The following FBXW10 variants were observed in gnomAD, a reference collection of about 807,000 sequenced individuals.
FBXW10 encodes F-box and WD repeat domain containing 10.
A neutral mutation model predicts 113.1 loss-of-function variants in FBXW10; 68 were observed. That is an observed-to-expected ratio of 0.60 (90% CI 0.49 to 0.74). FBXW10 has a LOEUF of 0.74. Among genes scored for constraint, FBXW10 ranks in the 30% least tolerant of loss-of-function variants. The pLI, the probability that FBXW10 is intolerant of heterozygous loss-of-function variation, is 0.00. For synonymous variants in FBXW10, 289 were observed against 481.6 expected, an observed-to-expected ratio of 0.60 and a Z score of 5.24; for missense variants, 753 against 1,284.5, an observed-to-expected ratio of 0.59 and a Z score of 6.32.
chr17:18,775,105 G>A (rs1223070860), intron 12 of FBXW10, 31 bp from the exon 13 acceptor site: 1 of 1,519,478 alleles, frequency 6.6e-7, no homozygotes, highest in South Asian at 1.1e-5. Flanking sequence ...AGTATATAAT[G>A]ACTACAGCTT....
At chr17:18,749,124 A>T (rs1437096290) in intron 2 of FBXW10, among the ~76,000 whole-genome samples, 3 of 151,996 alleles carry the variant, frequency 2.0e-5, no homozygotes, top group Admixed American at 2.0e-4. Context: ...GTTGTTTAAA[A>T]TTTTTTCTTG....
intron 9 of FBXW10, among the ~76,000 whole-genome samples, chr17:18,767,421 A>C (rs1404923051): frequency 6.7e-6 from 1 of 148,922 alleles, no homozygotes; most frequent in Admixed American, 6.8e-5. Context: ...CAGACGTTGC[A>C]GTGAGCCGAG....
chr17:18,751,306 A>T (rs1279856236), intron 5 of FBXW10, among the ~76,000 whole-genome samples: 1 of 151,436 alleles, frequency 6.6e-6, no homozygotes, highest in Non-Finnish European at 1.5e-5. Context: ...GCTCACTGCA[A>T]GCTCCGCCTC....
intron 11 of FBXW10, among the ~76,000 whole-genome samples, chr17:18,771,105 T>TAA (rs370339129): frequency 7.9e-5 from 11 of 138,892 alleles, no homozygotes; most frequent in South Asian, 4.5e-4. Context: ...GTCATGCTGC[T>TAA]AAAAAAAAAA....
At chr17:18,773,483 GGTGTGTGTGTGTTT>G (rs1029950140) in intron 12 of FBXW10, among the ~76,000 whole-genome samples, 6 of 152,258 alleles carry the variant, frequency 3.9e-5, no homozygotes, top group African/African-American at 1.4e-4. Flanking sequence ...GTATAAAGCA[GGTGTGTGTGTGTTT>G]GTGTGTGTGT....
chr17:18,773,051 C>T (rs1273878443), intron 12 of FBXW10, among the ~76,000 whole-genome samples: 1 of 151,728 alleles, frequency 6.6e-6, no homozygotes, highest in Non-Finnish European at 1.5e-5. Flanking sequence ...GCCTCAGCCT[C>T]CTGAGTAGCT....
intron 6 of FBXW10, among the ~76,000 whole-genome samples, chr17:18,757,061 C>G (rs1255830675): frequency 6.6e-6 from 1 of 151,852 alleles, no homozygotes; most frequent in Non-Finnish European, 1.5e-5. Flanking sequence ...TATGTGTGTA[C>G]ATATACACAC....
At chr17:18,752,329 T>TAGA (rs1217808380) in intron 5 of FBXW10, among the ~76,000 whole-genome samples, 1 of 152,166 alleles carries the variant, frequency 6.6e-6, no homozygotes, top group Non-Finnish European at 1.5e-5. Flanking sequence ...TCTTGGAAGA[T>TAGA]AGAAACCTGA....
At chr17:18,760,876 C>T (rs1003927645) in intron 7 of FBXW10, among the ~76,000 whole-genome samples, 2 of 151,142 alleles carry the variant, frequency 1.3e-5, no homozygotes, top group African/African-American at 4.9e-5. Flanking sequence ...TCTTCTAGGT[C>T]ATAGAGATAT....
At position 18,778,803 on chromosome 17, in the gene FBXW10, C is replaced by T. The variant is rs1484057906; in HGVS notation, c.2664C>T (p.Ile888=). The T allele has an allele frequency of 6.2e-7, 1 of 1,613,780 alleles. No homozygotes were observed. The highest frequency in any genetic ancestry group is 1.7e-5 in the Admixed American group (1 of 59,974). ...AACGAACCAGTATTCCCCTTGAAAT[C>T]CAGAAACTGCAGCCCAACTTGAAGA... ...DVKRTSIPLE[I]QKLQPNLKIS... is the part of the protein sequence containing the mutation. Residue 888 remains isoleucine (I), a synonymous_variant, in exon 14 of 14, where the codon ATC becomes ATT. Coordinates refer to ENST00000395665, the MANE Select transcript of FBXW10 (RefSeq NM_001267585.2).
Position 18,772,605 on chromosome 17 carries a change from C to G in FBXW10, c.2200C>G (p.Gln734Glu), listed in dbSNP as rs1017593644. The change falls in exon 12 of 14, where the codon CAA becomes GAA. Residue 734 changes from glutamine to glutamate, a missense_variant. Gln to Glu is a conservative substitution (Grantham distance 29, BLOSUM62 2). Transcript: ENST00000395665. ...CCCAAGAGAGTCTGTATCCAGTAAA[C>G]AAACTGTGATCCAAGAGCTCCTACC... ...HSPRESVSSK[Q>E]TVIQELLPGK... 1 of 1,613,966 alleles carries G rather than the reference C, an allele frequency of 6.2e-7. No individual in the cohort carries two copies. The highest frequency in any genetic ancestry group is 8.5e-7 in the Non-Finnish European group (1 of 1,179,856).
intron 6 of FBXW10, among the ~76,000 whole-genome samples, chr17:18,756,533 C>CT (rs1388607337): frequency 6.6e-6 from 1 of 151,828 alleles, no homozygotes; most frequent in Non-Finnish European, 1.5e-5. Context: ...TTCCTGTAGT[C>CT]TATCACCTAG....
chr17:18,751,050 G>A lies in FBXW10; in HGVS notation c.1119G>A (p.Thr373=), dbSNP rs773105903. 13 of 1,613,760 alleles carry A rather than the reference G, an allele frequency of 8.1e-6. No individual in the cohort carries two copies. Among genetic ancestry groups the A allele is most frequent in the African/African-American group, 8.0e-5 (6 of 74,872 alleles). The change falls in exon 5 of 14, where the codon ACG becomes ACA. Residue 373 remains threonine, a synonymous_variant. Transcript: ENST00000395665. ...RVKHPKWKLR[T]KNEYNLWTAY... is the part of the protein sequence containing the mutation. ...AACATCCGAAGTGGAAGCTGAGAAC[G>A]AAGGTGGGTTCCAACAGCATCTGGG...
chr17:18,777,820 G>A (rs1193862234), intron 13 of FBXW10, among the ~76,000 whole-genome samples: 1 of 151,916 alleles, frequency 6.6e-6, no homozygotes, highest in Admixed American at 6.6e-5. Flanking sequence ...GGGGATTACA[G>A]GCGTGAGCCA....
intron 9 of FBXW10, 54 bp from the exon 10 acceptor site, chr17:18,768,480 G>C (rs1200304974): frequency 4.4e-6 from 7 of 1,600,430 alleles, no homozygotes; most frequent in Non-Finnish European, 5.1e-6. Context: ...CCTCAGCTTT[G>C]GTTCTTGGAG....
In FBXW10 at chr17:18,768,580, A is replaced by C; in HGVS notation, c.1751A>C (p.Gln584Pro). 1 of 1,614,068 alleles carries C rather than the reference A, an allele frequency of 6.2e-7. No homozygotes were observed. The highest frequency in any genetic ancestry group is 8.5e-7 in the Non-Finnish European group (1 of 1,179,990). Residue 584 changes from glutamine (Q) to proline (P), a missense_variant, in exon 10 of 14, where the codon CAG becomes CCG. Physicochemically the swap from Gln to Pro is moderately conservative, Grantham distance 76. Transcript: ENST00000395665. ...EGAVKCLFFD[Q>P]WHLLSGSTDG... ...GCCGTGAAATGCCTGTTCTTTGACC[A>C]GTGGCATCTCCTCTCAGGAAGTACT...
At chr17:18,756,293 T>A in intron 6 of FBXW10, 139 bp downstream of exon 6, 1 of 761,688 alleles carries the variant, frequency 1.3e-6, no homozygotes, top group Non-Finnish European at 2.2e-6. Flanking sequence ...TTGCACATGA[T>A]CCCATGTAGA....
chr17:18,764,545 C>T lies in FBXW10; in HGVS notation c.1434-197C>T, dbSNP rs538247243. Among the ~76,000 whole-genome samples, 8 of 152,202 alleles carry T rather than the reference C, an allele frequency of 5.3e-5. No homozygotes were observed. The South Asian group carries it at 1.5e-3, about 28-fold the overall frequency. On this transcript the variant is annotated intron_variant, in intron 7 of 13. Transcript: ENST00000395665. ...CCATTTTATCAATGAGGAAAGGAAA[C>T]GTAACACAAAAATTAACTTCCTCAA...
intron 13 of FBXW10, among the ~76,000 whole-genome samples, chr17:18,777,207 G>A (rs1345233834): frequency 2.0e-5 from 3 of 151,748 alleles, no homozygotes; most frequent in Non-Finnish European, 4.4e-5. Context: ...GATTACAGGC[G>A]CCTGCCACCA....
Sources: gnomAD v4.1 joint callset for allele counts (sites outside exome capture counted in the v4.1 genomes callset) on GRCh38, gnomAD v4.1.1 for gene constraint, MANE v1.5 for transcripts, NCBI Gene and HGNC (gene_info 2026-07-23, HGNC 2026-07-21) for gene names.